POU2F2: variants seen among roughly 807,000 people sequenced by gnomAD.
POU2F2 encodes POU domain, class 2, transcription factor 2.
In POU2F2, 14 loss-of-function variants were observed where a neutral mutation model predicts 63.5. The observed-to-expected ratio is 0.22, with a 90% CI of 0.15 to 0.34. The LOEUF (loss-of-function observed/expected upper bound fraction) is 0.34, where lower values mean the gene tolerates loss of function less well. POU2F2 is among the 10% of genes least tolerant of loss of function. POU2F2 has a pLI of 1.00. For synonymous variants in POU2F2, 306 were observed against 348.6 expected, an observed-to-expected ratio of 0.88 and a Z score of 1.36; for missense variants, 607 against 815.2, an observed-to-expected ratio of 0.74 and a Z score of 3.11.
At position 42,095,528 on chromosome 19, in the gene POU2F2, G is replaced by GGA. The variant is rs2076886625; in HGVS notation, c.1020+15_1020+16dup. The GGA allele has an allele frequency of 6.2e-7, 1 of 1,601,274 alleles. No individual in the cohort carries two copies. Among genetic ancestry groups the GGA allele is most frequent in the South Asian group, 1.1e-5 (1 of 90,060 alleles). On this transcript the variant is annotated intron_variant, in intron 10 of 14. Coordinates refer to ENST00000692977, the MANE Select transcript of POU2F2 (RefSeq NM_001394376.1). This position sits in a 1 kb window ranked among gnomAD's most constrained non-coding sequence, Gnocchi z 7.1. ...CCACCCCTCAGGTGAGGGCCACCCAGGAGAGGGGGGCCTCACCGCTAGAAA... is the reference window on the plus strand; with the variant it reads ...CCACCCCTCAGGTGAGGGCCACCCAGGAGAGAGGGGGGCCTCACCGCTAGAAA...
chr19:42,195,051 AAGGG>A (rs1205793170), intron 1 of POU2F2, among the ~76,000 whole-genome samples: 69 of 27,784 alleles, frequency 2.5e-3, no homozygotes, highest in African/African-American at 9.9e-3. Flanking sequence ...GGGAGGAAGG[AAGGG>A]AGGGAGGGAG....
chr19:42,100,649 G>A (rs1476871496), intron 5 of POU2F2, among the ~76,000 whole-genome samples: 1 of 152,052 alleles, frequency 6.6e-6, no homozygotes, highest in African/African-American at 2.4e-5. Context: ...TACTCCGGAG[G>A]CTGATGCAGG....
intron 5 of POU2F2, among the ~76,000 whole-genome samples, chr19:42,102,091 A>C (rs1160831017): frequency 1.3e-5 from 2 of 152,202 alleles, no homozygotes; most frequent in Non-Finnish European, 2.9e-5. Flanking sequence ...ATGTACTACA[A>C]TGTTCACGTG....
In POU2F2 at chr19:42,086,898, T is replaced by C. The variant is rs963513053; in HGVS notation, c.*4359A>G. On this transcript the variant is annotated 3_prime_UTR_variant, in exon 15 of 15. Coordinates refer to ENST00000692977, the MANE Select transcript of POU2F2 (RefSeq NM_001394376.1). ...CAACACTTCTCTCTGGATTTTTCTC[T>C]CCTTTTGTTTGTTTAACAAGGAGCT... 6.6e-6 allele frequency: 1 copy of C among 152,130 alleles called. No homozygotes were observed. The highest frequency in any genetic ancestry group is 6.5e-5 in the Admixed American group (1 of 15,268). The allele number at this position is 152,130 out of a possible 1,614,324, so 9.4% of individuals were successfully genotyped here.
At chr19:42,188,832 A>G (rs916773985) in intron 1 of POU2F2, among the ~76,000 whole-genome samples, 5 of 148,814 alleles carry the variant, frequency 3.4e-5, no homozygotes, top group African/African-American at 1.2e-4. Context: ...AGAGAGGAAG[A>G]AAAAAGAAAG....
At chr19:42,099,382 G>T in intron 7 of POU2F2, 145 bp downstream of exon 7, 1 of 713,170 alleles carries the variant, frequency 1.4e-6, no homozygotes, top group Non-Finnish European at 2.4e-6. Flanking sequence ...AGATGGGCTT[G>T]CCTGAGGTCT....
At chr19:42,106,051 C>CTTTCTTTCTTCT (rs1555897213) in intron 5 of POU2F2, among the ~76,000 whole-genome samples, 2 of 79,026 alleles carry the variant, frequency 2.5e-5, no homozygotes, top group Non-Finnish European at 5.7e-5. Flanking sequence ...TTCTTTCTTT[C>CTTTCTTTCTTCT]TTCTTTCTTT....
intron 1 of POU2F2, among the ~76,000 whole-genome samples, chr19:42,186,292 T>C (rs1390553259): frequency 1.3e-5 from 2 of 152,014 alleles, no homozygotes; most frequent in South Asian, 2.1e-4. Flanking sequence ...GCCACGGCAC[T>C]CCAGCCAGGC....
At chr19:42,154,130 C>T (rs1253235310) in intron 2 of POU2F2, among the ~76,000 whole-genome samples, 1 of 150,994 alleles carries the variant, frequency 6.6e-6, no homozygotes, top group Non-Finnish European at 1.5e-5. Flanking sequence ...AAGTCCAGTC[C>T]AACCCAGACA....
intron 7 of POU2F2, chr19:42,099,242 G>A (rs1035184088): frequency 1.6e-5 from 6 of 368,642 alleles, no homozygotes; most frequent in African/African-American, 6.1e-5. Context: ...GAGCATTTTG[G>A]GGGAATGGGG....
chr19:42,124,714 A>G (rs573938848), intron 1 of POU2F2, among the ~76,000 whole-genome samples: 1 of 152,386 alleles, frequency 6.6e-6, no homozygotes, highest in East Asian at 1.9e-4. Flanking sequence ...TGTCCATACA[A>G]TGAAATATGC....
At chr19:42,170,805 G>A (rs987193811) in intron 1 of POU2F2, among the ~76,000 whole-genome samples, 1 of 152,254 alleles carries the variant, frequency 6.6e-6, no homozygotes, top group African/African-American at 2.4e-5. Flanking sequence ...CAACAGAGCC[G>A]GATCTGGCCC....
upstream of POU2F2, chr19:42,176,051 C>G (rs1164608062): frequency 2.0e-5 from 3 of 150,528 alleles, no homozygotes; most frequent in Admixed American, 1.3e-4. Flanking sequence ...TAAACCGGCC[C>G]CCACACCTCC....
At chr19:42,138,114 A>G (rs992017028) in intron 2 of POU2F2, among the ~76,000 whole-genome samples, 3 of 152,166 alleles carry the variant, frequency 2.0e-5, no homozygotes, top group Non-Finnish European at 4.4e-5. Flanking sequence ...CACTTTTGTG[A>G]CAATCCTGGC....
At chr19:42,141,668 C>G (rs916679913) in intron 2 of POU2F2, among the ~76,000 whole-genome samples, 2 of 151,672 alleles carry the variant, frequency 1.3e-5, no homozygotes, top group African/African-American at 4.8e-5. Flanking sequence ...TTAGTAGAGA[C>G]GGGGTTTCTC....
intron 2 of POU2F2, among the ~76,000 whole-genome samples, chr19:42,154,738 G>T (rs1373517184): frequency 6.6e-6 from 1 of 151,840 alleles, no homozygotes; most frequent in African/African-American, 2.4e-5. Context: ...AACTGAAAGG[G>T]GATCACGTCC....
At chr19:42,186,821 G>C (rs772416742) in intron 1 of POU2F2, among the ~76,000 whole-genome samples, 1 of 152,078 alleles carries the variant, frequency 6.6e-6, no homozygotes, top group South Asian at 2.1e-4. Context: ...TGATGCCCAC[G>C]TTTCTCACTT....
chr19:42,190,163 A>C (rs565820023), intron 1 of POU2F2, among the ~76,000 whole-genome samples: 1 of 152,268 alleles, frequency 6.6e-6, no homozygotes, highest in South Asian at 2.1e-4. Flanking sequence ...GCTGGGAGTC[A>C]TGCTGGGATG....
At position 42,153,142 on chromosome 19, in the gene POU2F2, C is replaced by G. The variant is rs553295822; in HGVS notation, c.-9+7190G>C. ...GGTGGGAAGCTTGTGCGGCTTCGGA[C>G]AGGAGGTTCCAGCGAGAGGTCTGTG... On this transcript the variant is annotated intron_variant, in intron 2 of 6. Transcript: ENST00000524801. The surrounding 1 kb of genome is among the most constrained non-coding windows in gnomAD (Gnocchi z 5.6). 6.6e-6 allele frequency among the ~76,000 whole-genome samples: 1 copy of G among 152,308 alleles called. No individual in the cohort carries two copies. The highest frequency in any genetic ancestry group is 2.4e-5 in the African/African-American group (1 of 41,560).
Sources: allele counts gnomAD v4.1 joint callset (sites outside exome capture counted in the v4.1 genomes callset), GRCh38; gene constraint gnomAD v4.1.1; non-coding constraint Gnocchi (gnomAD v3.1); transcripts MANE v1.5; gene names NCBI Gene and HGNC (gene_info 2026-07-23, HGNC 2026-07-21).